UNC93A: variants seen among roughly 807,000 people sequenced by gnomAD.
UNC93A encodes unc-93 homolog A, also known as N-acetylglucosamine transporter UNC93A.
Under a neutral mutation model 47.5 loss-of-function variants are expected in UNC93A, and 43 were observed. The ratio of observed to expected loss-of-function variants is 0.91; its 90% CI spans 0.71 to 1.17. UNC93A has a LOEUF of 1.17. Ranked by LOEUF, UNC93A falls within the 50% of genes most tolerant of loss-of-function variation. UNC93A has a pLI of 0.00. For missense variants in UNC93A, 605 were observed against 577.6 expected (o/e 1.05, Z -0.49); for synonymous variants, 280 against 258.0 (o/e 1.09, Z -0.82).
At chr6:167,314,113 C>T (rs753509776) in intron 7 of UNC93A, among the ~76,000 whole-genome samples, 35 of 152,140 alleles carry the variant, frequency 2.3e-4, no homozygotes, top group Non-Finnish European at 4.1e-4. Flanking sequence ...TGAGTTGTTT[C>T]GTATAAAACT....
intron 5 of UNC93A, among the ~76,000 whole-genome samples, chr6:167,304,499 T>G (rs1778327390): frequency 6.6e-6 from 1 of 152,172 alleles, no homozygotes; most frequent in South Asian, 2.1e-4. Context: ...ACTTTAGAGT[T>G]TACATATAGG....
chr6:167,279,248 TAGAGAGAGATAG>T (rs1185255773), intron 1 of UNC93A, among the ~76,000 whole-genome samples: 1 of 152,034 alleles, frequency 6.6e-6, no homozygotes, highest in African/African-American at 2.4e-5. Flanking sequence ...GAGATATATA[TAGAGAGAGATAG>T]ATAGAGAGAA....
chr6:167,309,216 C>T lies in UNC93A; in HGVS notation c.1108+1306C>T, dbSNP rs146347647. Among the ~76,000 whole-genome samples, 516 of 152,274 alleles carry T rather than the reference C, an allele frequency of 3.4e-3. 5 individuals are homozygous for T. Among genetic ancestry groups the T allele is most frequent in the African/African-American group, 0.012 (483 of 41,564 alleles). On this transcript the variant is annotated intron_variant, in intron 7 of 7. Coordinates refer to ENST00000230256, the MANE Select transcript of UNC93A (RefSeq NM_018974.4). Reference sequence around the variant, plus strand: ...ACTCATGCCAGGCTCTGCTGAGCTCCGAGGTGCTTTGTGCGGGCTGGCTGT... The same window carrying T: ...ACTCATGCCAGGCTCTGCTGAGCTCTGAGGTGCTTTGTGCGGGCTGGCTGT...
At chr6:167,291,284 A>G, upstream of UNC93A, 2 of 445,962 alleles carry the variant, frequency 4.5e-6, no homozygotes, top group Non-Finnish European at 7.9e-6. Flanking sequence ...GAGCTCCCGT[A>G]TGCTTCATGG....
chr6:167,289,717 G>T (rs1445043247), upstream of UNC93A, among the ~76,000 whole-genome samples: 3 of 151,564 alleles, frequency 2.0e-5, no homozygotes, highest in Admixed American at 2.0e-4. Flanking sequence ...AGCAGACAGT[G>T]CAATAAAACA....
chr6:167,308,143 C>T (rs1261462212), intron 7 of UNC93A, among the ~76,000 whole-genome samples: 1 of 152,208 alleles, frequency 6.6e-6, no homozygotes, highest in Non-Finnish European at 1.5e-5. Context: ...CTTCTGGGCA[C>T]CATTCCCTCA....
intron 1 of UNC93A, among the ~76,000 whole-genome samples, chr6:167,275,609 C>A (rs904268580): frequency 6.6e-6 from 1 of 152,230 alleles, no homozygotes; most frequent in African/African-American, 2.4e-5. Flanking sequence ...ATCCTCACAC[C>A]TGTGCAGCAT....
chr6:167,286,587 G>A (rs538415174), upstream of UNC93A, among the ~76,000 whole-genome samples: 1 of 152,274 alleles, frequency 6.6e-6, no homozygotes, highest in East Asian at 1.9e-4. Flanking sequence ...TGAGAGCAAA[G>A]GCACGAAATT....
At chr6:167,288,280 C>G (rs1362259016), upstream of UNC93A, among the ~76,000 whole-genome samples, 16 of 152,150 alleles carry the variant, frequency 1.1e-4, no homozygotes, top group African/African-American at 3.9e-4. Context: ...TCTCCTTGGC[C>G]GAGGAAGAAG....
intron 1 of UNC93A, among the ~76,000 whole-genome samples, chr6:167,281,210 G>A (rs1350979293): frequency 6.6e-6 from 1 of 151,498 alleles, no homozygotes. Context: ...CCACTGAAAG[G>A]AGCCCCAGGG....
upstream of UNC93A, among the ~76,000 whole-genome samples, chr6:167,291,036 TC>T (rs528475985): frequency 2.0e-5 from 3 of 152,338 alleles, no homozygotes; most frequent in African/African-American, 7.2e-5. Flanking sequence ...TATGCTTTGT[TC>T]TTTAAGACTG....
intron 6 of UNC93A, 66 bp downstream of exon 6, chr6:167,306,116 C>G: frequency 1.2e-6 from 2 of 1,601,248 alleles, no homozygotes; most frequent in Non-Finnish European, 1.7e-6. Context: ...GCGCACAGCT[C>G]ACAGTCAGGA....
At chr6:167,278,079 C>T (rs1783573110) in intron 1 of UNC93A, among the ~76,000 whole-genome samples, 1 of 152,292 alleles carries the variant, frequency 6.6e-6, no homozygotes, top group South Asian at 2.1e-4. Flanking sequence ...AAAATTAGAG[C>T]TACAGAATGT....
chr6:167,290,229 T>C (rs1422520185), upstream of UNC93A, among the ~76,000 whole-genome samples: 4 of 152,340 alleles, frequency 2.6e-5, no homozygotes, highest in South Asian at 6.2e-4. Context: ...CTTATGTCTA[T>C]GTAAGCATGA....
At position 167,307,975 on chromosome 6, in the gene UNC93A, G is replaced by A. The variant is rs1463440330; in HGVS notation, c.1108+65G>A. The A allele has an allele frequency of 2.5e-6, 4 of 1,592,054 alleles. No homozygotes were observed. In the South Asian group the frequency reaches 4.5e-5, roughly 18 times the overall value. ...GGGGCGGTCCCTGGCCAAGGCAACT[G>A]TGGGGCTCATTAGATGCCAATGGGC... On this transcript the variant is annotated intron_variant, in intron 7 of 7. Transcript: ENST00000230256.
At chr6:167,303,453 T>C (rs1288596465) in intron 4 of UNC93A, among the ~76,000 whole-genome samples, 2 of 152,120 alleles carry the variant, frequency 1.3e-5, no homozygotes, top group Non-Finnish European at 2.9e-5. Flanking sequence ...CCAGTTCTTA[T>C]TGGAGGACTT....
intron 3 of UNC93A, among the ~76,000 whole-genome samples, chr6:167,297,440 G>A (rs1216778984): frequency 6.6e-6 from 1 of 152,186 alleles, no homozygotes; most frequent in African/African-American, 2.4e-5. Flanking sequence ...ACTTCTGACT[G>A]AGAGTCATTG....
In UNC93A at chr6:167,314,781, C is replaced by T. The variant is rs533114235; in HGVS notation, c.1109-406C>T. Among the ~76,000 whole-genome samples the T allele has an allele frequency of 2.0e-5, 3 of 152,318 alleles. No individual in the cohort carries two copies. In the South Asian group the frequency reaches 6.2e-4, roughly 32 times the overall value. Reference sequence around the variant, plus strand: ...CCCCTCCCTGCTTCCAGTCTTCCTACCTTTGCTTGGAGTTGTCTTGCCTTT... The same window carrying T: ...CCCCTCCCTGCTTCCAGTCTTCCTATCTTTGCTTGGAGTTGTCTTGCCTTT... On this transcript the variant is annotated intron_variant, in intron 7 of 7. Transcript: ENST00000230256.
At chr6:167,270,851 C>A (rs192731126), upstream of UNC93A, among the ~76,000 whole-genome samples, 866 of 152,280 alleles carry the variant, frequency 5.7e-3, 13 homozygotes, top group African/African-American at 0.02. Flanking sequence ...GAGCCTGGCC[C>A]GGCTGACACC....
Sources: allele counts gnomAD v4.1 joint callset (sites outside exome capture counted in the v4.1 genomes callset), GRCh38; gene constraint gnomAD v4.1.1; transcripts MANE v1.5; gene names NCBI Gene and HGNC (gene_info 2026-07-23, HGNC 2026-07-21).